SCMH1: variants seen among roughly 807,000 people sequenced by gnomAD.
SCMH1 encodes Scm polycomb group protein homolog 1, also known as polycomb protein SCMH1.
Under a neutral mutation model 70.8 loss-of-function variants are expected in SCMH1, and 37 were observed. The ratio of observed to expected loss-of-function variants is 0.52; its 90% CI spans 0.40 to 0.69. The LOEUF (loss-of-function observed/expected upper bound fraction) is 0.69. Ranked by LOEUF, SCMH1 falls within the 30% of genes least tolerant of loss-of-function variation. The pLI is 0.00. For missense variants in SCMH1, 607 were observed against 827.3 expected (o/e 0.73, Z 3.27); for synonymous variants, 292 against 307.4 (o/e 0.95, Z 0.52).
At chr1:41,188,198 A>C (rs1650766578) in intron 1 of SCMH1, among the ~76,000 whole-genome samples, 1 of 152,198 alleles carries the variant, frequency 6.6e-6, no homozygotes, top group Admixed American at 6.5e-5. Context: ...ATCCTCTTCA[A>C]TTTCTAAGAA....
intron 8 of SCMH1, among the ~76,000 whole-genome samples, chr1:41,112,666 T>C (rs1430603733): frequency 6.6e-6 from 1 of 152,216 alleles, no homozygotes; most frequent in African/African-American, 2.4e-5. Flanking sequence ...TTGCTAGTCA[T>C]CAACTTTTCA....
chr1:41,087,082 C>T (rs778101705), intron 8 of SCMH1, among the ~76,000 whole-genome samples: 7 of 152,008 alleles, frequency 4.6e-5, no homozygotes, highest in Non-Finnish European at 8.8e-5. Flanking sequence ...CAACTATACA[C>T]ATAAATCTGG....
At chr1:41,061,425 A>G (rs1313828821) in intron 10 of SCMH1, among the ~76,000 whole-genome samples, 1 of 152,232 alleles carries the variant, frequency 6.6e-6, no homozygotes, top group African/African-American at 2.4e-5. Context: ...AGAAAGCTGG[A>G]GTAGCTATAT....
intron 4 of SCMH1, chr1:41,159,591 G>C: frequency 9.8e-7 from 1 of 1,020,246 alleles, no homozygotes; most frequent in African/African-American, 1.7e-5. Flanking sequence ...ATAGGAATTT[G>C]AACCTTGGTT....
chr1:41,215,143 T>C (rs1223501766), intron 1 of SCMH1, among the ~76,000 whole-genome samples: 3 of 152,192 alleles, frequency 2.0e-5, no homozygotes, highest in Admixed American at 6.5e-5. Context: ...AGTTAGTAGG[T>C]GGCTGAATTG....
intron 1 of SCMH1, among the ~76,000 whole-genome samples, chr1:41,203,327 T>C (rs918204302): frequency 6.6e-6 from 1 of 152,156 alleles, no homozygotes; most frequent in African/African-American, 2.4e-5. Context: ...AATACCTGAA[T>C]TGAGATCCGT....
At chr1:41,105,949 A>G (rs1274665198) in intron 8 of SCMH1, among the ~76,000 whole-genome samples, 2 of 150,502 alleles carry the variant, frequency 1.3e-5, no homozygotes, top group Admixed American at 6.6e-5. Flanking sequence ...ATCTTGGCTC[A>G]CTGCAACCTC....
At chr1:41,197,113 T>C (rs1321521903) in intron 1 of SCMH1, among the ~76,000 whole-genome samples, 1 of 152,176 alleles carries the variant, frequency 6.6e-6, no homozygotes, top group Non-Finnish European at 1.5e-5. Flanking sequence ...TAAAATGGTA[T>C]AGCTGCTGTG....
At chr1:41,117,644 G>C (rs1026548612) in intron 6 of SCMH1, among the ~76,000 whole-genome samples, 1 of 152,126 alleles carries the variant, frequency 6.6e-6, no homozygotes, top group Non-Finnish European at 1.5e-5. Context: ...TTCCTAGTTC[G>C]CCTTCATGTT....
chr1:41,127,007 G>A (rs1673349178), intron 6 of SCMH1, among the ~76,000 whole-genome samples: 1 of 152,018 alleles, frequency 6.6e-6, no homozygotes. Context: ...AAATGAGAAC[G>A]CTTATTTCCC....
chr1:41,161,578 A>G, intron 2 of SCMH1, 146 bp from the exon 3 acceptor site: 1 of 911,892 alleles, frequency 1.1e-6, no homozygotes, highest in East Asian at 3.1e-5. Flanking sequence ...AAATACAAGA[A>G]AAAGGTTTTA....
Position 41,062,593 on chromosome 1 carries a change from G to A in SCMH1, c.1105+8002C>T, listed in dbSNP as rs147666440. ...CATCCTACTAAAAATACAAAAATTA[G>A]CTGGGCATGGTGGCGCATGCCTGTA... On this transcript the variant is annotated intron_variant, in intron 10 of 14. Transcript: ENST00000337495. Among the ~76,000 whole-genome samples, 1,389 of 152,162 alleles carry A rather than the reference G, an allele frequency of 9.1e-3. 19 individuals are homozygous for A. Among genetic ancestry groups the A allele is most frequent in the African/African-American group, 0.032 (1,335 of 41,500 alleles).
chr1:41,145,550 C>T (rs1644474786), intron 5 of SCMH1, among the ~76,000 whole-genome samples: 1 of 152,066 alleles, frequency 6.6e-6, no homozygotes, highest in African/African-American at 2.4e-5. Flanking sequence ...TTCTGGGTCT[C>T]TTGTAAGAAT....
intron 2 of SCMH1, among the ~76,000 whole-genome samples, chr1:41,178,936 T>C (rs1420803626): frequency 6.6e-6 from 1 of 152,196 alleles, no homozygotes; most frequent in Non-Finnish European, 1.5e-5. Context: ...ATATACGTTC[T>C]TCTCAGCACC....
chr1:41,070,674 G>C (rs138544239), exon 10 of SCMH1: 7 of 1,614,082 alleles, frequency 4.3e-6, no homozygotes, highest in South Asian at 1.1e-5. Context: ...CAGGAGTGCT[G>C]GTTGTTGGTG....
chr1:41,076,565 G>GT (rs1323162084), intron 8 of SCMH1, among the ~76,000 whole-genome samples: 1 of 152,156 alleles, frequency 6.6e-6, no homozygotes, highest in East Asian at 1.9e-4. Context: ...ATAATGTCAG[G>GT]TAGTGCTAAG....
chr1:41,102,195 A>G (rs1192264071), intron 8 of SCMH1, among the ~76,000 whole-genome samples: 2 of 152,236 alleles, frequency 1.3e-5, no homozygotes, highest in Non-Finnish European at 2.9e-5. Context: ...GTGTGTCTAC[A>G]TGGCATAGGA....
upstream of SCMH1, chr1:41,242,226 G>T (rs1476357672): frequency 6.9e-6 from 1 of 145,750 alleles, no homozygotes; most frequent in Non-Finnish European, 1.5e-5. This position sits in a 1 kb window ranked among gnomAD's most constrained non-coding sequence, Gnocchi z 5.2. Flanking sequence ...CTGAGGCGGG[G>T]GGCGGGGCGG....
chr1:41,122,798 ATTCATTTTTTAAAAC>A (rs1672263950), intron 6 of SCMH1, among the ~76,000 whole-genome samples: 1 of 152,166 alleles, frequency 6.6e-6, no homozygotes, highest in African/African-American at 2.4e-5. Context: ...TTTACCAAGG[ATTCATTTTTTAAAAC>A]TTCATAAAGA....
Sources: gnomAD v4.1 joint callset for allele counts (sites outside exome capture counted in the v4.1 genomes callset) on GRCh38, gnomAD v4.1.1 for gene constraint, Gnocchi (gnomAD v3.1) non-coding constraint, MANE v1.5 for transcripts, NCBI Gene and HGNC (gene_info 2026-07-23, HGNC 2026-07-21) for gene names.